Variants in FN1 observed in about 807,000 individuals in gnomAD.
FN1 encodes fibronectin 1.
A neutral mutation model predicts 297.3 loss-of-function variants in FN1; 106 were observed. The ratio of observed to expected loss-of-function variants is 0.36; its 90% CI spans 0.30 to 0.42. The LOEUF is 0.42. Among genes scored for constraint, FN1 ranks in the 10% least tolerant of loss-of-function variants. FN1 has a pLI of 1.00. For missense variants in FN1, 2,690 were observed against 3,124.9 expected, an observed-to-expected ratio of 0.86 and a Z score of 3.32; for synonymous variants, 1,149 against 1,152.6, an observed-to-expected ratio of 1.00 and a Z score of 0.06.
In FN1 at chr2:215,436,063, G is replaced by T. The variant is rs555909893; in HGVS notation, c.-261C>A. 17 of 588,038 alleles carry T rather than the reference G, an allele frequency of 2.9e-5. No homozygotes were observed. Among genetic ancestry groups the T allele is most frequent in the Non-Finnish European group, 2.4e-5 (9 of 381,916 alleles). The allele number at this position is 588,038 out of a possible 1,614,324, so 36.4% of individuals were successfully genotyped here. On this transcript the variant is annotated 5_prime_UTR_variant, in exon 1 of 46. Transcript: ENST00000354785. The stretch of plus-strand genomic sequence containing the variant: ...CCTCCCCCTGTGCAGCACAGCCGGC[G>T]CGGGCGTCCGAGCGCCGGGAGCCGG...
chr2:215,419,165 T>G, intron 12 of FN1, 77 bp downstream of exon 12: 1 of 1,291,872 alleles, frequency 7.7e-7, no homozygotes, highest in Non-Finnish European at 1.1e-6. Flanking sequence ...AACTTAGGCA[T>G]GAGAGCATTA....
intron 7 of FN1, 84 bp downstream of exon 7, chr2:215,425,005 GTTTTA>G: frequency 8.2e-7 from 1 of 1,212,994 alleles, no homozygotes; most frequent in Non-Finnish European, 1.2e-6. Context: ...CTTCTTGTTT[GTTTTA>G]TTGTTTCACA....
chr2:215,391,916 CAG>C (rs762270585), intron 25 of FN1, 102 bp from the exon 26 acceptor site: 55 of 964,786 alleles, frequency 5.7e-5, no homozygotes, highest in Middle Eastern at 2.9e-4. Flanking sequence ...ATAAAGGAAA[CAG>C]AATCATAATC....
chr2:215,377,083 TGTG>T (rs1559368424), intron 35 of FN1, among the ~76,000 whole-genome samples: 4 of 19,588 alleles, frequency 2.0e-4, no homozygotes, highest in Non-Finnish European at 1.6e-3. Flanking sequence ...AGAGAGAGAG[TGTG>T]TGTGTGTGTG....
rs1575228317 is a variant in FN1, at chr2:215,370,379, A to C, written c.6768T>G (p.Gly2256=). The C allele has an allele frequency of 6.2e-7, 1 of 1,613,530 alleles. No homozygotes were observed. The highest frequency in any genetic ancestry group is 8.5e-7 in the Non-Finnish European group (1 of 1,179,836). Residue 2256 remains glycine (G), a synonymous_variant, in exon 41 of 46, where the codon GGT becomes GGG. Coordinates refer to ENST00000354785, the MANE Select transcript of FN1 (RefSeq NM_212482.4). ...TSATLTGLTR[G]ATYNVIVEAL... Reference sequence around the variant, plus strand: ...CCTCCACTATGACGTTGTAGGTGGCACCTCTGGTGAGGCCTGTCAGAGTGG... The same window carrying C: ...CCTCCACTATGACGTTGTAGGTGGCCCCTCTGGTGAGGCCTGTCAGAGTGG...
At chr2:215,425,962 C>T (rs964916403) in intron 6 of FN1, among the ~76,000 whole-genome samples, 5 of 152,178 alleles carry the variant, frequency 3.3e-5, no homozygotes, top group African/African-American at 4.8e-5. Context: ...TAACCGAGCT[C>T]ATCAGAGGGT....
At chr2:215,388,882 C>CA (rs558209228) in intron 26 of FN1, among the ~76,000 whole-genome samples, 204 of 150,518 alleles carry the variant, frequency 1.4e-3, no homozygotes, top group Middle Eastern at 6.8e-3. Context: ...AAAAACAAAA[C>CA]AAAAAAAAAC....
chr2:215,392,642 C>T (rs2059835253), intron 25 of FN1: 1 of 428,370 alleles, frequency 2.3e-6, no homozygotes, highest in African/African-American at 2.0e-5. Context: ...TCTAGGTCTT[C>T]AAATTGAATG....
chr2:215,368,822 T>A (rs1044556000), intron 41 of FN1, among the ~76,000 whole-genome samples: 1 of 152,156 alleles, frequency 6.6e-6, no homozygotes, highest in Non-Finnish European at 1.5e-5. Flanking sequence ...CTTATCTCTT[T>A]ATGATTTGGA....
chr2:215,435,051 A>C (rs1230685419), intron 1 of FN1, among the ~76,000 whole-genome samples: 1 of 152,238 alleles, frequency 6.6e-6, no homozygotes, highest in Non-Finnish European at 1.5e-5. Flanking sequence ...CAAGGAACTT[A>C]AATATTCTTT....
At chr2:215,406,211 G>GGT in intron 19 of FN1, 27 bp downstream of exon 19, 1 of 1,611,500 alleles carries the variant, frequency 6.2e-7, no homozygotes, top group South Asian at 1.1e-5. Context: ...GAATTTGGAG[G>GGT]GGAGATAGAG....
At chr2:215,417,891 CTCAA>C (rs1396788344) in intron 12 of FN1, among the ~76,000 whole-genome samples, 1 of 152,146 alleles carries the variant, frequency 6.6e-6, no homozygotes, top group Non-Finnish European at 1.5e-5. Flanking sequence ...GAAGATCTCT[CTCAA>C]TCATTCAGAA....
At chr2:215,414,394 A>G (rs914952665) in intron 13 of FN1, among the ~76,000 whole-genome samples, 4 of 152,174 alleles carry the variant, frequency 2.6e-5, no homozygotes, top group Non-Finnish European at 5.9e-5. Flanking sequence ...AAAAATGATC[A>G]CTTAAAAAGT....
chr2:215,391,826 C>T lies in FN1; in HGVS notation c.4070-12G>A, dbSNP rs1575482713. 1 of 1,613,290 alleles carries T rather than the reference C, an allele frequency of 6.2e-7. No individual in the cohort carries two copies. On this transcript the variant is annotated splice_polypyrimidine_tract_variant and intron_variant, in intron 25 of 45. Transcript: ENST00000354785. ...GGGAGGAGGAACAGCTGGTTTCGAACAAGAAGGAAGACTCAGTTAATGTAA... is the reference window on the plus strand; with the variant it reads ...GGGAGGAGGAACAGCTGGTTTCGAATAAGAAGGAAGACTCAGTTAATGTAA...
intron 21 of FN1, among the ~76,000 whole-genome samples, chr2:215,398,949 A>G (rs1169153432): frequency 6.6e-6 from 1 of 152,198 alleles, no homozygotes; most frequent in African/African-American, 2.4e-5. Flanking sequence ...AAGTTTTCCC[A>G]TGTTTTTTTG....
intron 26 of FN1, 93 bp downstream of exon 26, chr2:215,391,539 C>G (rs559857105): frequency 5.7e-5 from 62 of 1,095,152 alleles, no homozygotes; most frequent in Non-Finnish European, 8.0e-5. Context: ...GGTTGCAGCT[C>G]TCTTGCTCTT....
At chr2:215,417,702 C>T (rs140725472) in intron 12 of FN1, among the ~76,000 whole-genome samples, 85 of 152,294 alleles carry the variant, frequency 5.6e-4, no homozygotes, top group African/African-American at 1.9e-3. Flanking sequence ...CTCTTCCCTC[C>T]GAAATCACCT....
In FN1 at chr2:215,419,263, G is replaced by T; in HGVS notation, c.1798C>A (p.Gln600Lys). ...YGRGIGEWHCQPLQTYPSSSG... is the reference protein window; with the variant it reads ...YGRGIGEWHCKPLQTYPSSSG... ...TTACTTGGATAGGTCTGTAAAGGTT[G>T]GCAATGCCACTCCCCAATGCCACGG... The change falls in exon 12 of 46, where the codon CAA becomes AAA. Residue 600 changes from glutamine (Q) to lysine (K), a missense_variant. Coordinates refer to ENST00000354785, the MANE Select transcript of FN1 (RefSeq NM_212482.4). 1.2e-6 allele frequency: 2 copies of T among 1,613,988 alleles called. No homozygotes were observed. The highest frequency in any genetic ancestry group is 1.1e-5 in the South Asian group (1 of 91,064).
rs1260689962 is a variant in FN1, at chr2:215,394,511, G to A, written c.3796+17C>T. ...TGGAAGTGTCACTCTCAGGATAGCA[G>A]CTTATTTTTCTATTACCTGGGATGA... On this transcript the variant is annotated intron_variant, in intron 24 of 45. Coordinates refer to ENST00000354785, the MANE Select transcript of FN1 (RefSeq NM_212482.4). The A allele has an allele frequency of 6.3e-6, 10 of 1,599,274 alleles. No homozygotes were observed. Among genetic ancestry groups the A allele is most frequent in the Non-Finnish European group, 8.6e-6 (10 of 1,167,100 alleles).
Sources: allele counts gnomAD v4.1 joint callset (sites outside exome capture counted in the v4.1 genomes callset), GRCh38; gene constraint gnomAD v4.1.1; transcripts MANE v1.5; gene names NCBI Gene and HGNC (gene_info 2026-07-23, HGNC 2026-07-21).